PLEKHA1: variants seen among roughly 807,000 people sequenced by gnomAD.
PLEKHA1 encodes pleckstrin homology domain containing A1, also known as pleckstrin homology domain-containing family A member 1.
PLEKHA1 carries 34 observed loss-of-function variants against 52.0 expected under a neutral mutation model. That is an observed-to-expected ratio of 0.65 (90% CI 0.50 to 0.87). The LOEUF (loss-of-function observed/expected upper bound fraction) is 0.87. Ranked by LOEUF, PLEKHA1 falls within the 40% of genes least tolerant of loss-of-function variation. The probability of loss-of-function intolerance (pLI) is 0.00; values close to 1 mark genes in which losing one functional copy is unlikely to be tolerated. For missense variants in PLEKHA1, 497 were observed against 504.2 expected (o/e 0.99, Z 0.14); for synonymous variants, 163 against 170.7 (o/e 0.95, Z 0.35).
At position 122,430,076 on chromosome 10, in the gene PLEKHA1, G is replaced by A; in HGVS notation, c.*138G>A. ...CTCTTAGGTGTACTCTTTATAAGCT[G>A]GTAAACCAAGAATCTAGGGAGTGGC... On this transcript the variant is annotated 3_prime_UTR_variant, in exon 12 of 12. Transcript: ENST00000368990. 18 of 950,692 alleles carry A rather than the reference G, an allele frequency of 1.9e-5. No homozygotes were observed. Among genetic ancestry groups the A allele is most frequent in the Middle Eastern group, 3.4e-4 (1 of 2,968 alleles). The allele number at this position is 950,692 out of a possible 1,614,324, so 58.9% of individuals were successfully genotyped here.
At chr10:122,412,666 G>A (rs923420395) in intron 5 of PLEKHA1, 56 of 430,616 alleles carry the variant, frequency 1.3e-4, no homozygotes, top group Non-Finnish European at 4.6e-5. Context: ...AGGGTAGACA[G>A]GAGTAGTAAA....
rs141146882 is a variant in PLEKHA1 at position 122,393,440 on chromosome 10, A to G, written c.141+99A>G. On this transcript the variant is annotated intron_variant, in intron 2 of 11. Transcript: ENST00000368990. This position sits in a 1 kb window ranked among gnomAD's most constrained non-coding sequence, Gnocchi z 4.5. ...CTTTAGATTTGTCTTCTTAAGCAGTATATTTTTAGATTTATTTCTACTGGC... is the reference window on the plus strand; with the variant it reads ...CTTTAGATTTGTCTTCTTAAGCAGTGTATTTTTAGATTTATTTCTACTGGC... The G allele has an allele frequency of 3.0e-3, 3,560 of 1,204,786 alleles. 6 individuals are homozygous for G. The highest frequency in any genetic ancestry group is 3.3e-3 in the Non-Finnish European group (2,979 of 911,210). 74.6% of individuals were successfully genotyped at this position (1,204,786 alleles called of 1,614,324 possible).
intron 8 of PLEKHA1, chr10:122,419,404 A>C (rs1283573846): frequency 6.6e-6 from 1 of 152,206 alleles, no homozygotes; most frequent in African/African-American, 2.4e-5. Context: ...TAAGAGCCTC[A>C]ACTGGAAGTA....
chr10:122,416,229 A>G lies in PLEKHA1; in HGVS notation c.612+227A>G, dbSNP rs182553817. On this transcript the variant is annotated intron_variant, in intron 7 of 11. Coordinates refer to ENST00000368990, the MANE Select transcript of PLEKHA1 (RefSeq NM_001001974.4). ...GGAAAGTTAATGCCCATTACCACTG[A>G]CTTTCAGTTTAAATGAGCTTTCCTA... 2.4e-3 allele frequency among the ~76,000 whole-genome samples: 371 copies of G among 152,318 alleles called. 4 individuals carry two copies. The highest frequency in any genetic ancestry group is 9.3e-3 in the South Asian group (45 of 4,828).
chr10:122,398,593 TTG>T (rs10653605), intron 3 of PLEKHA1, among the ~76,000 whole-genome samples: 118,976 of 147,548 alleles, frequency 0.81, 49,068 homozygotes, highest in Non-Finnish European at 0.9. Context: ...CCCTATGGGT[TTG>T]TGTGTGTGTG....
At chr10:122,376,559 C>T (rs1042125741) in intron 1 of PLEKHA1, among the ~76,000 whole-genome samples, 4 of 149,942 alleles carry the variant, frequency 2.7e-5, no homozygotes, top group African/African-American at 7.3e-5. Context: ...GTATACACAC[C>T]GCGCGGGCGC....
In PLEKHA1 at chr10:122,429,775, T is replaced by G. The variant is rs1302313121; in HGVS notation, c.1052T>G (p.Val351Gly). ...KRGFYESLAK[V>G]KPGNFKVQTV... ...GGATTTTACGAGTCTCTTGCCAAGG[T>G]CAAGCCAGGGAACTTCAAGGTCCAG... Residue 351 changes from valine (V) to glycine (G), a missense_variant, in exon 12 of 12, where the codon GTC becomes GGC. Transcript: ENST00000368990. 1 of 1,614,004 alleles carries G rather than the reference T, an allele frequency of 6.2e-7. No individual in the cohort carries two copies. Among genetic ancestry groups the G allele is most frequent in the Non-Finnish European group, 8.5e-7 (1 of 1,180,030 alleles).
chr10:122,407,729 G>C (rs1196432128), intron 5 of PLEKHA1, among the ~76,000 whole-genome samples: 2 of 152,130 alleles, frequency 1.3e-5, no homozygotes, highest in African/African-American at 2.4e-5. Flanking sequence ...GAGTTCTTGT[G>C]TTGTGAGATT....
downstream of PLEKHA1, chr10:122,433,794 TTA>T (rs2097428664): frequency 6.6e-6 from 1 of 152,218 alleles, no homozygotes; most frequent in African/African-American, 2.4e-5. Context: ...ATGGATATGT[TTA>T]TGTTTGATAC....
At chr10:122,397,414 GAAAA>G (rs964726002) in intron 2 of PLEKHA1, among the ~76,000 whole-genome samples, 1 of 151,278 alleles carries the variant, frequency 6.6e-6, no homozygotes, top group Non-Finnish European at 1.5e-5. Flanking sequence ...TTTTTTTGTG[GAAAA>G]AAAAGTATCA....
chr10:122,400,455 T>C (rs1275677865), intron 4 of PLEKHA1, 67 bp downstream of exon 4: 1 of 1,445,454 alleles, frequency 6.9e-7, no homozygotes, highest in Non-Finnish European at 9.4e-7. Context: ...AAAAGAAAAC[T>C]GTTGCAGAAA....
intron 1 of PLEKHA1, chr10:122,386,718 T>TGG (rs2096704894): frequency 6.6e-6 from 1 of 152,336 alleles, no homozygotes; most frequent in East Asian, 1.9e-4. Flanking sequence ...AAAATTGCCT[T>TGG]GGCACCTTGG....
intron 5 of PLEKHA1, among the ~76,000 whole-genome samples, chr10:122,409,276 A>G (rs2097070954): frequency 6.6e-6 from 1 of 152,214 alleles, no homozygotes; most frequent in Non-Finnish European, 1.5e-5. Flanking sequence ...TAAAGTTGAA[A>G]AATTGAACCA....
At chr10:122,392,999 C>T (rs2096797444) in intron 1 of PLEKHA1, 182 bp from the exon 2 acceptor site, 3 of 448,342 alleles carry the variant, frequency 6.7e-6, no homozygotes, top group Non-Finnish European at 1.2e-5. Flanking sequence ...ATTTAGTAAC[C>T]ACTCTTCACA....
chr10:122,386,559 C>G (rs1278178187), intron 1 of PLEKHA1: 1 of 152,038 alleles, frequency 6.6e-6, no homozygotes, highest in Non-Finnish European at 1.5e-5. Flanking sequence ...ATTTGTCTAC[C>G]CCTAAGGTCC....
rs1390925332 is a variant in PLEKHA1, at chr10:122,430,609, G to A, written c.*671G>A. ...GTGTCTTAGACATTTGTTTGAAAAAGCTTCATCAGGCCTTGGAGCAGTCAC... is the reference window on the plus strand; with the variant it reads ...GTGTCTTAGACATTTGTTTGAAAAAACTTCATCAGGCCTTGGAGCAGTCAC... On this transcript the variant is annotated 3_prime_UTR_variant, in exon 12 of 12. Coordinates refer to ENST00000368990, the MANE Select transcript of PLEKHA1 (RefSeq NM_001001974.4). The A allele has an allele frequency of 6.6e-6, 1 of 152,262 alleles. No homozygotes were observed. The highest frequency in any genetic ancestry group is 1.5e-5 in the Non-Finnish European group (1 of 68,038). The allele number at this position is 152,262 out of a possible 1,614,324, so 9.4% of individuals were successfully genotyped here. A position where few individuals can be genotyped will look rare whatever the true frequency, so the allele number is the denominator to read the frequency against.
At chr10:122,398,963 A>G (rs574827724) in intron 3 of PLEKHA1, among the ~76,000 whole-genome samples, 1 of 152,174 alleles carries the variant, frequency 6.6e-6, no homozygotes, top group South Asian at 2.1e-4. Context: ...TACGACAAAT[A>G]TTGTATGGAA....
In PLEKHA1 at chr10:122,430,207, T is replaced by C; in HGVS notation, c.*269T>C. ...TGTGTTCTCATTCGGGTGGTAACAA[T>C]GTATGTGTAATATTTTTTTCTTAGT... On this transcript the variant is annotated 3_prime_UTR_variant, in exon 12 of 12. Transcript: ENST00000368990. 3.2e-6 allele frequency: 1 copy of C among 313,270 alleles called. No homozygotes were observed. Among genetic ancestry groups the C allele is most frequent in the Non-Finnish European group, 5.8e-6 (1 of 172,936 alleles). The allele number at this position is 313,270 out of a possible 1,614,324, so 19.4% of individuals were successfully genotyped here. A position where few individuals can be genotyped will look rare whatever the true frequency, so the allele number is the denominator to read the frequency against.
chr10:122,397,961 C>A lies in PLEKHA1; in HGVS notation c.185C>A (p.Thr62Asn). 6.2e-7 allele frequency: 1 copy of A among 1,608,788 alleles called. No individual in the cohort carries two copies. Among genetic ancestry groups the A allele is most frequent in the African/African-American group, 1.3e-5 (1 of 74,896 alleles). ...GSSRVGAIKLTYISKVSDATK... is the reference protein window; with the variant it reads ...GSSRVGAIKLNYISKVSDATK... ...TCACGTGTTGGAGCCATTAAGCTTA[C>A]CTACATTTCAAAGGTAGTCTTTATA... Residue 62 changes from threonine to asparagine, a missense_variant, in exon 3 of 12, where the codon ACC becomes AAC. Physicochemically the swap from Thr to Asn is moderately conservative, Grantham distance 65. Coordinates refer to ENST00000368990, the MANE Select transcript of PLEKHA1 (RefSeq NM_001001974.4).
Sources: allele counts gnomAD v4.1 joint callset (sites outside exome capture counted in the v4.1 genomes callset), GRCh38; gene constraint gnomAD v4.1.1; non-coding constraint Gnocchi (gnomAD v3.1); transcripts MANE v1.5; gene names NCBI Gene and HGNC (gene_info 2026-07-23, HGNC 2026-07-21).